RAD51B: variants seen among roughly 807,000 people sequenced by gnomAD.
The protein encoded by RAD51B is RAD51 paralog B, also known as DNA repair protein RAD51 homolog 2.
Under a neutral mutation model 42.2 loss-of-function variants are expected in RAD51B, and 38 were observed. The observed-to-expected ratio is 0.90, with a 90% CI of 0.70 to 1.18. RAD51B has a LOEUF of 1.18. Among genes scored for constraint, RAD51B ranks in the 50% most tolerant of loss-of-function variants. The pLI, the probability that RAD51B is intolerant of heterozygous loss-of-function variation, is 0.00. For synonymous variants in RAD51B, 154 were observed against 145.2 expected (o/e 1.06, Z -0.43); for missense variants, 373 against 400.7 (o/e 0.93, Z 0.59).
chr14:68,157,251 A>G (rs1455585915), intron 7 of RAD51B, among the ~76,000 whole-genome samples: 2 of 152,152 alleles, frequency 1.3e-5, no homozygotes, highest in Non-Finnish European at 2.9e-5. Flanking sequence ...ACTAGAAAAT[A>G]TTATTATTCA....
intron 10 of RAD51B, among the ~76,000 whole-genome samples, chr14:68,580,059 C>T (rs1890142802): frequency 6.6e-6 from 1 of 152,240 alleles, no homozygotes; most frequent in Non-Finnish European, 1.5e-5. Flanking sequence ...TTGAAAGGTG[C>T]TGCCTATGAA....
At chr14:68,163,849 C>T (rs931271388) in intron 7 of RAD51B, among the ~76,000 whole-genome samples, 4 of 152,066 alleles carry the variant, frequency 2.6e-5, no homozygotes, top group African/African-American at 4.8e-5. Flanking sequence ...AGTTCTTACT[C>T]GTTAGAATGC....
intron 8 of RAD51B, among the ~76,000 whole-genome samples, chr14:68,313,991 G>T (rs1046595921): frequency 6.6e-6 from 1 of 152,148 alleles, no homozygotes; most frequent in Non-Finnish European, 1.5e-5. Flanking sequence ...TCAGCTTAGG[G>T]ACTAGAATAC....
intron 7 of RAD51B, among the ~76,000 whole-genome samples, chr14:68,245,763 TC>T: frequency 6.6e-6 from 1 of 152,228 alleles, no homozygotes; most frequent in Admixed American, 6.5e-5. Context: ...CCAAGACTGT[TC>T]AAGATTGGTA....
At chr14:68,453,409 C>A (rs2085606721) in intron 9 of RAD51B, among the ~76,000 whole-genome samples, 1 of 152,170 alleles carries the variant, frequency 6.6e-6, no homozygotes, top group Admixed American at 6.5e-5. Context: ...TGAGAGATTT[C>A]TTCAGGACTT....
At chr14:68,618,634 A>G (rs919640595) in intron 10 of RAD51B, among the ~76,000 whole-genome samples, 49 of 152,192 alleles carry the variant, frequency 3.2e-4, no homozygotes, top group Non-Finnish European at 6.3e-4. Context: ...CTGATACTAC[A>G]GGGTTGTTGA....
chr14:68,078,040 AG>A (rs1267533952), intron 7 of RAD51B, among the ~76,000 whole-genome samples: 1 of 152,216 alleles, frequency 6.6e-6, no homozygotes, highest in Non-Finnish European at 1.5e-5. Context: ...TGAGCTACCT[AG>A]TATTCTAGGC....
In RAD51B at chr14:68,651,215, A is replaced by G. The variant is rs538103454; in HGVS notation, c.*11+359A>G. ...GAGATAAGGTCTCACTCTGTCACCCATGCTGGAGTGCAATGGAGCAATCAT... is the reference window on the plus strand; with the variant it reads ...GAGATAAGGTCTCACTCTGTCACCCGTGCTGGAGTGCAATGGAGCAATCAT... On this transcript the variant is annotated intron_variant, in intron 11 of 11. Coordinates refer to the RAD51B transcript ENST00000488612. 5.9e-5 allele frequency among the ~76,000 whole-genome samples: 9 copies of G among 152,292 alleles called. 1 individual carries two copies. The South Asian group carries it at 1.9e-3, about 32-fold the overall frequency.
chr14:68,169,268 C>T lies in RAD51B; in HGVS notation c.757-122616C>T, dbSNP rs1458243989. Among the ~76,000 whole-genome samples, 4 of 152,182 alleles carry T rather than the reference C, an allele frequency of 2.6e-5. No individual in the cohort carries two copies. In the East Asian group the frequency reaches 7.7e-4, roughly 29 times the overall value. ...TACAGTATAAAAGGGCAAGGGAGTA[C>T]CCAGACCAGAGTCATATTCTGGTTA... On this transcript the variant is annotated intron_variant, in intron 7 of 10. Transcript: ENST00000471583.
In RAD51B at chr14:68,000,552, GA is replaced by G. The variant is rs1171351631; in HGVS notation, c.756+113349del. Among the ~76,000 whole-genome samples the G allele has an allele frequency of 5.9e-5, 9 of 152,178 alleles. No individual in the cohort carries two copies. In the East Asian group the frequency reaches 1.4e-3, roughly 23 times the overall value. On this transcript the variant is annotated intron_variant, in intron 7 of 10. Transcript: ENST00000471583. ...TTGAGGTTAAAATATGTCCTGTTAA[GA>G]TTTTTTTTCTCTTTTAAATTATTAG...
At chr14:68,279,910 A>T (rs936620982) in intron 7 of RAD51B, among the ~76,000 whole-genome samples, 1 of 152,122 alleles carries the variant, frequency 6.6e-6, no homozygotes, top group Non-Finnish European at 1.5e-5. Context: ...CCCAAATGGA[A>T]TTTTTCCCAC....
intron 7 of RAD51B, among the ~76,000 whole-genome samples, chr14:68,069,092 G>T (rs1249723391): frequency 4.6e-5 from 7 of 151,986 alleles, no homozygotes; most frequent in Non-Finnish European, 1.0e-4. Flanking sequence ...ACTCCTTTTT[G>T]TTCGTTTTTA....
At chr14:68,001,917 G>A (rs1025541683) in intron 7 of RAD51B, among the ~76,000 whole-genome samples, 4 of 152,102 alleles carry the variant, frequency 2.6e-5, no homozygotes, top group South Asian at 4.1e-4. Flanking sequence ...TGGTGTATAC[G>A]TACCACATTT....
intron 10 of RAD51B, among the ~76,000 whole-genome samples, chr14:68,522,105 G>A (rs1263206074): frequency 6.6e-6 from 1 of 152,164 alleles, no homozygotes; most frequent in Non-Finnish European, 1.5e-5. Flanking sequence ...CCACACTCAG[G>A]GCCGTGTGAG....
intron 10 of RAD51B, among the ~76,000 whole-genome samples, chr14:68,636,792 A>C (rs1222406611): frequency 2.0e-5 from 3 of 152,142 alleles, no homozygotes; most frequent in Non-Finnish European, 4.4e-5. Flanking sequence ...ATCAAGATAA[A>C]CACATACAAG....
chr14:68,003,601 T>C (rs2075526014), intron 7 of RAD51B, among the ~76,000 whole-genome samples: 1 of 152,226 alleles, frequency 6.6e-6, no homozygotes, highest in South Asian at 2.1e-4. Context: ...TGTGGCAGTT[T>C]TCAAGGGGAA....
chr14:67,965,437 T>C (rs1431344065), intron 7 of RAD51B, among the ~76,000 whole-genome samples: 2 of 152,172 alleles, frequency 1.3e-5, no homozygotes, highest in Admixed American at 1.3e-4. Flanking sequence ...TTCCATTTTC[T>C]AATCCATCCT....
At chr14:68,186,318 C>T (rs916671378) in intron 7 of RAD51B, among the ~76,000 whole-genome samples, 2 of 152,170 alleles carry the variant, frequency 1.3e-5, no homozygotes, top group African/African-American at 4.8e-5. Context: ...GAATTTATGA[C>T]TAAGTCCTCA....
chr14:67,922,764 T>A (rs529084056), intron 7 of RAD51B, among the ~76,000 whole-genome samples: 2 of 151,022 alleles, frequency 1.3e-5, no homozygotes, highest in South Asian at 2.1e-4. Flanking sequence ...TGATCTGGGC[T>A]CACTACAACC....
Sources: allele counts gnomAD v4.1 joint callset (sites outside exome capture counted in the v4.1 genomes callset), GRCh38; gene constraint gnomAD v4.1.1; transcripts MANE v1.5; gene names NCBI Gene and HGNC (gene_info 2026-07-23, HGNC 2026-07-21).